Variants in TFAP2C observed in about 807,000 individuals in gnomAD.
TFAP2C encodes the protein transcription factor AP-2 gamma, also known as activating enhancer-binding protein 2 gamma.
In TFAP2C, 9 loss-of-function variants were observed where a neutral mutation model predicts 42.9. That is an observed-to-expected ratio of 0.21 (90% CI 0.13 to 0.37). The LOEUF (loss-of-function observed/expected upper bound fraction) is 0.37, where lower values mean the gene tolerates loss of function less well. TFAP2C is among the 10% of genes least tolerant of loss of function. TFAP2C has a pLI of 1.00. For missense variants in TFAP2C, 462 were observed against 591.7 expected, an observed-to-expected ratio of 0.78 and a Z score of 2.27; for synonymous variants, 264 against 256.0, an observed-to-expected ratio of 1.03 and a Z score of -0.30.
chr20:56,635,231 G>T (rs1156329647), intron 5 of TFAP2C, among the ~76,000 whole-genome samples: 2 of 152,182 alleles, frequency 1.3e-5, no homozygotes, highest in African/African-American at 2.4e-5. Context: ...CTGTAGAATC[G>T]GCGGTTCTGC....
chr20:56,638,267 T>C lies in TFAP2C; in HGVS notation c.*254T>C, dbSNP rs1333737541. ...TACTGGCTCTTTATTCATTAAGCTT[T>C]TTTTTTTTGAACCCCATTCTTTCCT... On this transcript the variant is annotated 3_prime_UTR_variant, in exon 7 of 7. Coordinates refer to ENST00000201031, the MANE Select transcript of TFAP2C (RefSeq NM_003222.4). The C allele has an allele frequency of 2.5e-6, 1 of 407,786 alleles. No individual in the cohort carries two copies. The highest frequency in any genetic ancestry group is 4.4e-6 in the Non-Finnish European group (1 of 229,502). 25.3% of individuals were successfully genotyped at this position (407,786 alleles called of 1,614,324 possible).
rs898146856 is a variant in TFAP2C at position 56,631,980 on chromosome 20, A to T, written c.586+124A>T. ...TTTGTGGTAGAAGGGACTGAAAGGG[A>T]TTCATGGAAGCTAGATTTTAGGAGT... On this transcript the variant is annotated intron_variant, in intron 3 of 6. Coordinates refer to ENST00000201031, the MANE Select transcript of TFAP2C (RefSeq NM_003222.4). The surrounding 1 kb of genome is among the most constrained non-coding windows in gnomAD (Gnocchi z 6.1). 1.8e-6 allele frequency: 2 copies of T among 1,093,948 alleles called. No homozygotes were observed. The highest frequency in any genetic ancestry group is 2.8e-6 in the Non-Finnish European group (2 of 722,580). 67.8% of individuals were successfully genotyped at this position (1,093,948 alleles called of 1,614,324 possible).
At chr20:56,632,133 G>C (rs1987505162) in intron 3 of TFAP2C, among the ~76,000 whole-genome samples, 1 of 152,218 alleles carries the variant, frequency 6.6e-6, no homozygotes, top group Non-Finnish European at 1.5e-5. Context: ...GTGAGAGAAA[G>C]TCTTCCAGAG....
In TFAP2C at chr20:56,634,226, C is replaced by T; in HGVS notation, c.880C>T (p.Arg294Trp). ...TGGGTTGAATCTTCCGGCCGGGAGGCGGAAAGCCGCTCATGTGACTCTCCT... is the reference window on the plus strand; with the variant it reads ...TGGGTTGAATCTTCCGGCCGGGAGGTGGAAAGCCGCTCATGTGACTCTCCT... Reference protein sequence around the residue: ...KIGLNLPAGRRKAAHVTLLTS... With the variant: ...KIGLNLPAGRWKAAHVTLLTS... Residue 294 changes from arginine (R) to tryptophan (W), a missense_variant, in exon 5 of 7, where the codon CGG (arginine) becomes TGG (tryptophan). Physicochemically the swap from Arg to Trp is moderately radical, Grantham distance 101. This residue lies in a region of TFAP2C where 40 missense variants were observed against 106.8 expected (regional missense o/e 0.37). Transcript: ENST00000201031. 2 of 1,614,080 alleles carry T rather than the reference C, an allele frequency of 1.2e-6. No homozygotes were observed. The highest frequency in any genetic ancestry group is 1.7e-6 in the Non-Finnish European group (2 of 1,179,964).
intron 6 of TFAP2C, 45 bp downstream of exon 6, chr20:56,636,799 C>A (rs781229016): frequency 5.7e-5 from 90 of 1,570,674 alleles, no homozygotes; most frequent in Non-Finnish European, 7.2e-5. Context: ...ATGCTCTAGA[C>A]CTTGAGGTTG....
rs1987457953 is a variant in TFAP2C at position 56,630,123 on chromosome 20, G to A, written c.48+531G>A. The A allele has an allele frequency of 5.0e-6, 1 of 201,114 alleles. No individual in the cohort carries two copies. Among genetic ancestry groups the A allele is most frequent in the South Asian group, 5.8e-5 (1 of 17,234 alleles). The allele number at this position is 201,114 out of a possible 1,614,324, so 12.5% of individuals were successfully genotyped here. A position where few individuals can be genotyped will look rare whatever the true frequency, so the allele number is the denominator to read the frequency against. ...TGCCCGAGGCCAGATGGGGCCGTAA[G>A]AGCTCGCGAGTGCTCCAGCCTGTCG... On this transcript the variant is annotated intron_variant, in intron 1 of 6. Transcript: ENST00000201031. This position sits in a 1 kb window ranked among gnomAD's most constrained non-coding sequence, Gnocchi z 5.1.
At chr20:56,635,414 ACT>A (rs1341621393) in intron 5 of TFAP2C, among the ~76,000 whole-genome samples, 3 of 151,876 alleles carry the variant, frequency 2.0e-5, no homozygotes, top group South Asian at 2.1e-4. Context: ...GGTGGGAGAA[ACT>A]CTCTTGGTTG....
intron 5 of TFAP2C, among the ~76,000 whole-genome samples, chr20:56,635,952 T>C (rs1020243784): frequency 6.6e-6 from 1 of 152,228 alleles, no homozygotes; most frequent in African/African-American, 2.4e-5. Context: ...GGCAAAAGTC[T>C]GTGTGTGTTC....
In TFAP2C at chr20:56,631,242, TC is replaced by T; in HGVS notation, c.91del (p.His31ThrfsTer106). 1 of 1,558,924 alleles carries T rather than the reference TC, an allele frequency of 6.4e-7. No individual in the cohort carries two copies. The highest frequency in any genetic ancestry group is 1.4e-5 in the African/African-American group (1 of 70,418). The part of the protein sequence containing the change: ...HDGSSNGNPR[V>X]PHLSSAGQHL... ...GGGAGCAGCAATGGGAATCCGCGGG[TC>T]CCCCACCTCTCCTCCGCCGGGCAGC... On this transcript the variant is annotated frameshift_variant, in exon 2 of 7. Transcript: ENST00000201031. LOFTEE classifies it high-confidence loss of function. The surrounding 1 kb of genome is among the most constrained non-coding windows in gnomAD (Gnocchi z 6.1).
chr20:56,630,850 T>C lies in TFAP2C; in HGVS notation c.49-355T>C, dbSNP rs553016820. 42 of 983,952 alleles carry C rather than the reference T, an allele frequency of 4.3e-5. No homozygotes were observed. Among genetic ancestry groups the C allele is most frequent in the Non-Finnish European group, 4.9e-5 (41 of 829,492 alleles). The allele number at this position is 983,952 out of a possible 1,614,324, so 61.0% of individuals were successfully genotyped here. A position where few individuals can be genotyped will look rare whatever the true frequency, so the allele number is the denominator to read the frequency against. On this transcript the variant is annotated intron_variant, in intron 1 of 6. Transcript: ENST00000201031. This position sits in a 1 kb window ranked among gnomAD's most constrained non-coding sequence, Gnocchi z 5.1. ...CGTCCGGCTCCTTCGCCCCGGGCTC[T>C]GGCTCCTTCGCCCCGGGCTCCGGCC...
At chr20:56,636,539 A>C (rs966740448) in intron 5 of TFAP2C, 71 bp from the exon 6 acceptor site, 9 of 1,486,000 alleles carry the variant, frequency 6.1e-6, no homozygotes, top group Non-Finnish European at 7.2e-6. Flanking sequence ...AAAAAAAAAA[A>C]AGAGAGAGGA....
At position 56,630,806 on chromosome 20, in the gene TFAP2C, G is replaced by C. The variant is rs1201546758; in HGVS notation, c.49-399G>C. On this transcript the variant is annotated intron_variant, in intron 1 of 6. Coordinates refer to ENST00000201031, the MANE Select transcript of TFAP2C (RefSeq NM_003222.4). This position sits in a 1 kb window ranked among gnomAD's most constrained non-coding sequence, Gnocchi z 5.1. ...TCCCTGCGTCATGGGCGGGCTCCAC[G>C]AGATAGCTCTGCACCGGGCGTCCGG... 2.0e-6 allele frequency: 2 copies of C among 985,254 alleles called. No individual in the cohort carries two copies. The highest frequency in any genetic ancestry group is 3.5e-5 in the African/African-American group (2 of 57,240). 61.0% of individuals were successfully genotyped at this position (985,254 alleles called of 1,614,324 possible). A position where few individuals can be genotyped will look rare whatever the true frequency, so the allele number is the denominator to read the frequency against.
intron 3 of TFAP2C, among the ~76,000 whole-genome samples, 165 bp from the exon 4 acceptor site, chr20:56,633,188 C>T (rs1987525751): frequency 6.6e-6 from 1 of 152,048 alleles, no homozygotes. Flanking sequence ...CAGAGTGAGA[C>T]TCTTATTATT....
Position 56,629,463 on chromosome 20 carries a change from G to T in TFAP2C, c.-82G>T. The T allele has an allele frequency of 7.9e-7, 1 of 1,269,012 alleles. No homozygotes were observed. The allele number at this position is 1,269,012 out of a possible 1,614,324, so 78.6% of individuals were successfully genotyped here. ...GCGGCGGCAGACGCCTGGTCACCGT[G>T]ACCCCGATTTTGGATTTACCGCTTG... On this transcript the variant is annotated 5_prime_UTR_variant, in exon 1 of 7. Transcript: ENST00000201031. This position sits in a 1 kb window ranked among gnomAD's most constrained non-coding sequence, Gnocchi z 5.9.
intron 5 of TFAP2C, among the ~76,000 whole-genome samples, chr20:56,634,793 G>A (rs752318600): frequency 1.8e-4 from 27 of 152,010 alleles, no homozygotes; most frequent in Non-Finnish European, 3.5e-4. Flanking sequence ...AAAACTAATC[G>A]AACCCCTGGC....
In TFAP2C at chr20:56,638,021, A is replaced by G. The variant is rs192275203; in HGVS notation, c.*8A>G. ...GAGAAACACAGGAAATAAAATTGGA[A>G]CGAAGAAAGGTTAGGAGAGTAGGGA... is the stretch of plus-strand genomic sequence containing the variant. On this transcript the variant is annotated 3_prime_UTR_variant, in exon 7 of 7. Coordinates refer to ENST00000201031, the MANE Select transcript of TFAP2C (RefSeq NM_003222.4). 6.2e-7 allele frequency: 1 copy of G among 1,610,694 alleles called. No homozygotes were observed. Among genetic ancestry groups the G allele is most frequent in the Non-Finnish European group, 8.5e-7 (1 of 1,178,060 alleles).
At position 56,631,528 on chromosome 20, in the gene TFAP2C, A is replaced by G. The variant is rs1181167984; in HGVS notation, c.372A>G (p.Leu124=). 6.6e-7 allele frequency: 1 copy of G among 1,519,796 alleles called. No homozygotes were observed. The highest frequency in any genetic ancestry group is 1.2e-5 in the South Asian group (1 of 81,320). 94.1% of individuals were successfully genotyped at this position (1,519,796 alleles called of 1,614,324 possible). A position where few individuals can be genotyped will look rare whatever the true frequency, so the allele number is the denominator to read the frequency against. ...LPSHHGRPAG[L]LPHLSGLEAG... ...CGCACCACGGGCGCCCGGCCGGCCT[A>G]CTGCCCCACCTCTCCGGGCTGGAGG... Residue 124 remains leucine, a synonymous_variant, in exon 2 of 7, where the codon CTA becomes CTG. Transcript: ENST00000201031. The surrounding 1 kb of genome is among the most constrained non-coding windows in gnomAD (Gnocchi z 6.1).
intron 4 of TFAP2C, 27 bp downstream of exon 4, chr20:56,633,596 G>A: frequency 6.3e-7 from 1 of 1,588,058 alleles, no homozygotes; most frequent in South Asian, 1.1e-5. Context: ...TCTAGGCATA[G>A]TGGTTGGGTA....
At position 56,636,539 on chromosome 20, in the gene TFAP2C, A is replaced by AAAAG. The variant is rs1555825805; in HGVS notation, c.923-70_923-69insAAGA. ...AGACTCCGTGTCAAAAAAAAAAAAAAAGAGAGAGGAAAAGGGCAGTTTGGC... is the reference window on the plus strand; with the variant it reads ...AGACTCCGTGTCAAAAAAAAAAAAAAAAAGAGAGAGAGGAAAAGGGCAGTTTGGC... On this transcript the variant is annotated intron_variant, in intron 5 of 6. Coordinates refer to ENST00000201031, the MANE Select transcript of TFAP2C (RefSeq NM_003222.4). 2.0e-5 allele frequency: 29 copies of AAAAG among 1,486,108 alleles called. No individual in the cohort carries two copies. In the African/African-American group the frequency reaches 3.7e-4, roughly 19 times the overall value. The allele number at this position is 1,486,108 out of a possible 1,614,324, so 92.1% of individuals were successfully genotyped here.
Sources: gnomAD v4.1 joint callset for allele counts (sites outside exome capture counted in the v4.1 genomes callset) on GRCh38, gnomAD v4.1.1 for gene constraint, gnomAD v4.1.1 regional missense constraint, Gnocchi (gnomAD v3.1) non-coding constraint, MANE v1.5 for transcripts, NCBI Gene and HGNC (gene_info 2026-07-23, HGNC 2026-07-21) for gene names.